EGF: variants seen among roughly 807,000 people sequenced by gnomAD.
EGF encodes epidermal growth factor.
Under a neutral mutation model 143.8 loss-of-function variants are expected in EGF, and 95 were observed. That is an observed-to-expected ratio of 0.66 (90% CI 0.56 to 0.78). The LOEUF (loss-of-function observed/expected upper bound fraction) is 0.78. EGF is among the 30% of genes least tolerant of loss of function. The pLI is 0.00. For missense variants in EGF, 1,320 were observed against 1,470.9 expected (o/e 0.90, Z 1.68); for synonymous variants, 510 against 510.5 (o/e 1.00, Z 0.01).
At position 109,993,308 on chromosome 4, in the gene EGF, A is replaced by G; in HGVS notation, c.2796A>G (p.Thr932=). 1 of 1,613,876 alleles carries G rather than the reference A, an allele frequency of 6.2e-7. No individual in the cohort carries two copies. The highest frequency in any genetic ancestry group is 8.5e-7 in the Non-Finnish European group (1 of 1,179,920). The change falls in exon 19 of 24, where the codon ACA becomes ACG. Residue 932 remains threonine (T), a synonymous_variant. Transcript: ENST00000265171. ...GAGAGAATGCCAGCTGCACAAATAC[A>G]GAGGGAGGCTATACCTGCATGTGTG... ...SCGENASCTN[T]EGGYTCMCAG... is the part of the protein sequence containing the mutation.
chr4:109,921,262 C>T (rs28535066), intron 1 of EGF, among the ~76,000 whole-genome samples: 43,892 of 151,138 alleles, frequency 0.29, 7,112 homozygotes, highest in Middle Eastern at 0.4. Context: ...ATAGAAACTT[C>T]AGTTGTTTTA....
intron 1 of EGF, among the ~76,000 whole-genome samples, chr4:109,934,334 A>G (rs184454117): frequency 6.6e-6 from 1 of 152,202 alleles, no homozygotes; most frequent in Non-Finnish European, 1.5e-5. Context: ...AAACAGAGAC[A>G]ATTTGACACA....
chr4:109,980,453 C>T (rs1179271918), intron 14 of EGF, among the ~76,000 whole-genome samples: 1 of 152,174 alleles, frequency 6.6e-6, no homozygotes, highest in African/African-American at 2.4e-5. Context: ...TGGACCTTTC[C>T]ATACCCCTGA....
rs1420439854 is a variant in EGF at position 109,940,981 on chromosome 4, A to G, written c.163A>G (p.Ser55Gly). The G allele has an allele frequency of 1.2e-6, 2 of 1,614,106 alleles. No individual in the cohort carries two copies. Among genetic ancestry groups the G allele is most frequent in the South Asian group, 2.2e-5 (2 of 91,088 alleles). Residue 55 changes from serine (S) to glycine (G), a missense_variant, in exon 2 of 24, where the codon AGT becomes GGT. Physicochemically the swap from Ser to Gly is moderately conservative, Grantham distance 56. This residue lies in a region of EGF where 79 missense variants were observed against 71.2 expected (regional missense o/e 1.11). Coordinates refer to ENST00000265171, the MANE Select transcript of EGF (RefSeq NM_001963.6). ...CTTCTTAATTTTCTCCCATGGAAAT[A>G]GTATCTTTAGGATTGACACAGAAGG... is the stretch of plus-strand genomic sequence containing the variant. ...APFLIFSHGN[S>G]IFRIDTEGTN...
intron 22 of EGF, among the ~76,000 whole-genome samples, chr4:110,007,314 C>T (rs913871668): frequency 3.3e-5 from 5 of 152,128 alleles, no homozygotes; most frequent in African/African-American, 4.8e-5. Context: ...TTCTGTGGAG[C>T]GCCCATTTCT....
In EGF at chr4:109,960,938, T is replaced by C. The variant is rs755587723; in HGVS notation, c.1138T>C (p.Cys380Arg). Residue 380 changes from cysteine (C) to arginine (R), a missense_variant, in exon 7 of 24, where the codon TGC (cysteine) becomes CGC (arginine). Physicochemically the swap from Cys to Arg is radical, Grantham distance 180. Transcript: ENST00000265171. ...GCKNTPGSYYCTCPVGFVLLP... is the reference protein window; with the variant it reads ...GCKNTPGSYYRTCPVGFVLLP... ...TAAAAACACCCCTGGATCCTATTACTGCACGTGCCCTGTAGGATTTGTTCT... is the reference window on the plus strand; with the variant it reads ...TAAAAACACCCCTGGATCCTATTACCGCACGTGCCCTGTAGGATTTGTTCT... 1.2e-6 allele frequency: 2 copies of C among 1,613,982 alleles called. No individual in the cohort carries two copies. The highest frequency in any genetic ancestry group is 1.7e-5 in the Admixed American group (1 of 59,994).
At position 110,013,525 on chromosome 4, in the gene EGF, A is replaced by T. The variant is rs1293861381; in HGVS notation, c.*2070A>T. Among the ~76,000 whole-genome samples the T allele has an allele frequency of 6.6e-6, 1 of 152,138 alleles. No homozygotes were observed. The highest frequency in any genetic ancestry group is 1.5e-5 in the Non-Finnish European group (1 of 68,028). On this transcript the variant is annotated 3_prime_UTR_variant, in exon 24 of 24. Coordinates refer to ENST00000265171, the MANE Select transcript of EGF (RefSeq NM_001963.6). ...CCTGCAGAGATATCTTCTTCTTGCA[A>T]CTTCACATCTTTATCAGTAATGTCC...
At chr4:110,009,382 C>G (rs779866114) in intron 23 of EGF, among the ~76,000 whole-genome samples, 1 of 152,186 alleles carries the variant, frequency 6.6e-6, no homozygotes, top group East Asian at 1.9e-4. Context: ...GTAGTTACTA[C>G]TTTTCCTTGA....
chr4:109,945,370 A>G, intron 5 of EGF, 95 bp downstream of exon 5: 3 of 1,239,136 alleles, frequency 2.4e-6, no homozygotes, highest in Non-Finnish European at 3.5e-6. Context: ...GGGAAAAAAA[A>G]TTTTTTTCTT....
chr4:109,988,759 T>C, intron 18 of EGF, 50 bp downstream of exon 18: 1 of 1,611,476 alleles, frequency 6.2e-7, no homozygotes, highest in South Asian at 1.1e-5. Flanking sequence ...GCCTCAGAAA[T>C]CGGGAAACAA....
At chr4:109,917,897 G>A (rs529388568) in intron 1 of EGF, among the ~76,000 whole-genome samples, 2 of 152,274 alleles carry the variant, frequency 1.3e-5, no homozygotes, top group African/African-American at 4.8e-5. Context: ...TGGGATTACA[G>A]GCATGAGCCA....
At chr4:109,986,268 T>C (rs1475550807) in intron 16 of EGF, among the ~76,000 whole-genome samples, 2 of 152,240 alleles carry the variant, frequency 1.3e-5, no homozygotes, top group Admixed American at 1.3e-4. Flanking sequence ...TTTAAGATAA[T>C]TCTGCAAGTG....
At chr4:109,961,447 T>C (rs2126059544) in intron 7 of EGF, among the ~76,000 whole-genome samples, 1 of 152,338 alleles carries the variant, frequency 6.6e-6, no homozygotes, top group Non-Finnish European at 1.5e-5. Context: ...TCATCTATAA[T>C]CTATGTATTA....
intron 1 of EGF, among the ~76,000 whole-genome samples, chr4:109,933,172 G>A (rs1034784581): frequency 7.9e-5 from 12 of 152,316 alleles, no homozygotes; most frequent in Non-Finnish European, 1.3e-4. Flanking sequence ...AAGCTGGTGG[G>A]GTCAGGACTG....
intron 15 of EGF, 98 bp downstream of exon 15, chr4:109,981,073 T>C: frequency 1.3e-6 from 2 of 1,536,812 alleles, no homozygotes; most frequent in Non-Finnish European, 1.8e-6. Context: ...ATATTTTGGA[T>C]GTTAAAAGTT....
intron 11 of EGF, among the ~76,000 whole-genome samples, chr4:109,970,229 G>A (rs1445385200): frequency 2.0e-5 from 3 of 152,126 alleles, no homozygotes; most frequent in Admixed American, 6.5e-5. Flanking sequence ...TTCTGCGTGC[G>A]AATGAGATCC....
intron 4 of EGF, among the ~76,000 whole-genome samples, chr4:109,944,537 G>T (rs1301213813): frequency 6.6e-6 from 1 of 152,218 alleles, no homozygotes; most frequent in Non-Finnish European, 1.5e-5. Context: ...TTCCTTTAAC[G>T]TGAGGATAAT....
chr4:109,989,239 C>T (rs1750599823), intron 18 of EGF, among the ~76,000 whole-genome samples: 1 of 152,088 alleles, frequency 6.6e-6, no homozygotes, highest in Non-Finnish European at 1.5e-5. Context: ...ATGATTCAAC[C>T]CTCTTTCGTA....
At chr4:109,986,630 C>T (rs940325638) in intron 16 of EGF, among the ~76,000 whole-genome samples, 2 of 152,064 alleles carry the variant, frequency 1.3e-5, no homozygotes, top group African/African-American at 4.8e-5. Context: ...GATGAGCAAG[C>T]TTACCAGTGA....
Sources: allele counts gnomAD v4.1 joint callset (sites outside exome capture counted in the v4.1 genomes callset), GRCh38; gene constraint gnomAD v4.1.1; regional missense constraint gnomAD v4.1.1; transcripts MANE v1.5; gene names NCBI Gene and HGNC (gene_info 2026-07-23, HGNC 2026-07-21).